Variants in LTBP2 observed in about 807,000 individuals in gnomAD.
The protein encoded by LTBP2 is latent-transforming growth factor beta-binding protein 2.
Under a neutral mutation model 210.6 loss-of-function variants are expected in LTBP2, and 103 were observed. That is an observed-to-expected ratio of 0.49 (90% confidence interval 0.42 to 0.58). The LOEUF (loss-of-function observed/expected upper bound fraction) is 0.58, where lower values mean the gene tolerates loss of function less well. Ranked by LOEUF, LTBP2 falls within the 20% of genes least tolerant of loss-of-function variation. The pLI is 0.00. For missense variants in LTBP2, 2,313 were observed against 2,494.5 expected (o/e 0.93, Z 1.55); for synonymous variants, 1,007 against 1,015.0 (o/e 0.99, Z 0.15).
intron 9 of LTBP2, 81 bp from the exon 10 acceptor site, chr14:74,532,629 T>C: frequency 6.6e-7 from 1 of 1,503,764 alleles, no homozygotes; most frequent in Non-Finnish European, 9.1e-7. Flanking sequence ...GATCTTCAAA[T>C]ACTCTCTCCA....
chr14:74,503,584 C>T lies in LTBP2; in HGVS notation c.4605G>A (p.Leu1535=). The T allele has an allele frequency of 2.5e-6, 4 of 1,613,858 alleles. No homozygotes were observed. Among genetic ancestry groups the T allele is most frequent in the Non-Finnish European group, 3.4e-6 (4 of 1,180,026 alleles). ...KCEDHDECQD[L]ACENGECVNT... ...TGACGCACTCGCCATTCTCACAGGC[C>T]AGGTCCTGGCACTCATCGTGATCTG... The change falls in exon 32 of 36, where the codon CTG becomes CTA. Residue 1535 remains leucine, a synonymous_variant. Transcript: ENST00000261978.
At chr14:74,504,077 G>A in intron 30 of LTBP2, 23 bp from the exon 31 acceptor site, 3 of 1,613,220 alleles carry the variant, frequency 1.9e-6, no homozygotes, top group East Asian at 2.2e-5. Context: ...GAGCTGAGGT[G>A]AGAGGAAGGT....
chr14:74,531,421 G>A (rs1273852826), intron 10 of LTBP2, among the ~76,000 whole-genome samples: 8 of 152,190 alleles, frequency 5.3e-5, no homozygotes, highest in Non-Finnish European at 1.2e-4. Context: ...AGAAGGAAGG[G>A]TGTAAGCCTC....
chr14:74,500,109 G>A lies in LTBP2; in HGVS notation c.*775C>T, dbSNP rs2086893274. On this transcript the variant is annotated 3_prime_UTR_variant, in exon 36 of 36. Transcript: ENST00000261978. ...TGCTGGTGCCCACAGGCTATCACTG[G>A]GCGGATTCAGCTACTGAATATTTTC... is the stretch of plus-strand genomic sequence containing the variant. 4.3e-6 allele frequency: 1 copy of A among 233,454 alleles called. No individual in the cohort carries two copies. Among genetic ancestry groups the A allele is most frequent in the East Asian group, 6.1e-5 (1 of 16,518 alleles). The allele number at this position is 233,454 out of a possible 1,614,324, so 14.5% of individuals were successfully genotyped here. A position where few individuals can be genotyped will look rare whatever the true frequency, so the allele number is the denominator to read the frequency against.
intron 11 of LTBP2, 85 bp downstream of exon 11, chr14:74,528,873 G>T: frequency 6.4e-7 from 1 of 1,559,596 alleles, no homozygotes; most frequent in Non-Finnish European, 8.7e-7. Context: ...CTTCCAGATT[G>T]AGGGAAGTCT....
At chr14:74,597,428 G>C (rs535314775) in intron 2 of LTBP2, among the ~76,000 whole-genome samples, 79 of 152,328 alleles carry the variant, frequency 5.2e-4, no homozygotes, top group Admixed American at 1.6e-3. Flanking sequence ...AGAAGAGGCA[G>C]CTGGGGATGG....
At chr14:74,603,930 C>T (rs778091103) in intron 1 of LTBP2, among the ~76,000 whole-genome samples, 1 of 152,114 alleles carries the variant, frequency 6.6e-6, no homozygotes, top group Non-Finnish European at 1.5e-5. Flanking sequence ...ATGGAGATAA[C>T]AATAGCTGCT....
In LTBP2 at chr14:74,509,342, G is replaced by T. The variant is rs781304404; in HGVS notation, c.3299C>A (p.Pro1100Gln). ...GCAGACTCCGGAGGGGCAGACTCCC[G>T]GGAAGGCACACTCATCTAGGTCTGC... ...ACEDLDECAF[P>Q]GVCPSGVCTN... The change falls in exon 22 of 36, where the codon CCG (proline) becomes CAG (glutamine). Residue 1100 changes from proline (P) to glutamine (Q), a missense_variant. By Grantham distance (76) the Pro-to-Gln change is moderately conservative. Coordinates refer to ENST00000261978, the MANE Select transcript of LTBP2 (RefSeq NM_000428.3). 2 of 1,613,360 alleles carry T rather than the reference G, an allele frequency of 1.2e-6. No individual in the cohort carries two copies. Among genetic ancestry groups the T allele is most frequent in the Admixed American group, 3.3e-5 (2 of 60,014 alleles).
rs1478716313 is a variant in LTBP2 at position 74,528,973 on chromosome 14, G to T, written c.2137C>A (p.Pro713Thr). Residue 713 changes from proline to threonine, a missense_variant, in exon 11 of 36, where the codon CCT becomes ACT. Pro to Thr is a conservative substitution (Grantham distance 38). Around this residue, in one of 3 missense-constraint regions of LTBP2, gnomAD observed 1,867 missense variants for 1,976.9 expected, o/e 0.94. Coordinates refer to ENST00000261978, the MANE Select transcript of LTBP2 (RefSeq NM_000428.3). ...AGGAGGTTACCTGTGCCAGGCAGAGGGCATTTCTCACACTCGCTGCCCCAT... is the reference window on the plus strand; with the variant it reads ...AGGAGGTTACCTGTGCCAGGCAGAGTGCATTTCTCACACTCGCTGCCCCAT... Reference protein sequence around the residue: ...KAWGSECEKCPLPGTEAFREI... With the variant: ...KAWGSECEKCTLPGTEAFREI... 1 of 1,611,262 alleles carries T rather than the reference G, an allele frequency of 6.2e-7. No homozygotes were observed. Among genetic ancestry groups the T allele is most frequent in the Admixed American group, 1.7e-5 (1 of 59,790 alleles).
chr14:74,581,860 T>A (rs1302544716), intron 3 of LTBP2, among the ~76,000 whole-genome samples: 1 of 151,716 alleles, frequency 6.6e-6, no homozygotes, highest in Admixed American at 6.6e-5. Flanking sequence ...GAGGAAGAGA[T>A]CCAGAGGAGA....
At chr14:74,589,776 C>T (rs1393750093) in intron 2 of LTBP2, among the ~76,000 whole-genome samples, 2 of 152,150 alleles carry the variant, frequency 1.3e-5, no homozygotes, top group Non-Finnish European at 2.9e-5. Flanking sequence ...GGGCAGGTCT[C>T]GGCCTTGGGG....
chr14:74,560,506 T>G (rs2139758273), intron 3 of LTBP2, among the ~76,000 whole-genome samples: 1 of 152,344 alleles, frequency 6.6e-6, no homozygotes, highest in Admixed American at 6.5e-5. Flanking sequence ...CTTACTGAAA[T>G]GTGCAAGGTG....
intron 3 of LTBP2, among the ~76,000 whole-genome samples, chr14:74,578,732 C>T (rs1412826788): frequency 6.6e-6 from 1 of 152,232 alleles, no homozygotes; most frequent in Non-Finnish European, 1.5e-5. Flanking sequence ...GTCCTGTGTC[C>T]TCCCTGACCC....
intron 8 of LTBP2, among the ~76,000 whole-genome samples, chr14:74,537,920 A>G (rs569577128): frequency 6.6e-6 from 1 of 152,172 alleles, no homozygotes; most frequent in Non-Finnish European, 1.5e-5. Flanking sequence ...AGGGCTGGCT[A>G]ACTTTTGTAT....
At chr14:74,507,601 C>T (rs1035407850) in intron 25 of LTBP2, among the ~76,000 whole-genome samples, 1 of 152,238 alleles carries the variant, frequency 6.6e-6, no homozygotes, top group African/African-American at 2.4e-5. Context: ...GAGCACTGTA[C>T]TTCTCTTTAC....
chr14:74,506,969 C>A, intron 26 of LTBP2, 146 bp from the exon 27 acceptor site: 1 of 1,540,980 alleles, frequency 6.5e-7, no homozygotes, highest in South Asian at 1.2e-5. Flanking sequence ...AGCACCAAGA[C>A]CTGTGAAAAG....
Position 74,549,892 on chromosome 14 carries a change from G to A in LTBP2, c.1760C>T (p.Thr587Ile), listed in dbSNP as rs886050758. The change falls in exon 8 of 36, where the codon ACT (threonine) becomes ATT (isoleucine). Residue 587 changes from threonine to isoleucine, a missense_variant. By Grantham distance (89) the Thr-to-Ile change is moderately conservative. Transcript: ENST00000261978. ...TCTGGGTGGGCATGGGGCACACAAA[G>A]TCACCCCCCAGAAGGCTCCCACACT... The part of the protein sequence containing the change: ...CGSVGAFWGV[T>I]LCAPCPPRPA... 1 of 1,614,072 alleles carries A rather than the reference G, an allele frequency of 6.2e-7. No homozygotes were observed. The highest frequency in any genetic ancestry group is 8.5e-7 in the Non-Finnish European group (1 of 1,179,958).
chr14:74,510,297 T>C, intron 19 of LTBP2, 84 bp from the exon 20 acceptor site: 1 of 1,589,278 alleles, frequency 6.3e-7, no homozygotes, highest in Non-Finnish European at 8.5e-7. Context: ...ATCTCAGTTA[T>C]GAGGCCAGGG....
intron 2 of LTBP2, among the ~76,000 whole-genome samples, chr14:74,588,483 A>T (rs952734864): frequency 3.9e-5 from 6 of 152,104 alleles, no homozygotes; most frequent in African/African-American, 4.8e-5. Context: ...GGCCTCCCAA[A>T]GTGCTGGGAT....
Sources: gnomAD v4.1 joint callset for allele counts (sites outside exome capture counted in the v4.1 genomes callset) on GRCh38, gnomAD v4.1.1 for gene constraint, gnomAD v4.1.1 regional missense constraint, MANE v1.5 for transcripts, NCBI Gene and HGNC (gene_info 2026-07-23, HGNC 2026-07-21) for gene names.